The following FAM222B variants were observed in gnomAD, a reference collection of about 807,000 sequenced individuals.
The protein encoded by FAM222B is family with sequence similarity 222 member B, also known as protein FAM222B.
A neutral mutation model predicts 38.0 loss-of-function variants in FAM222B; 12 were observed. The observed-to-expected ratio is 0.32, with a 90% confidence interval of 0.20 to 0.51. The LOEUF is 0.51. Ranked by LOEUF, FAM222B falls within the 20% of genes least tolerant of loss-of-function variation. The pLI is 0.97. For missense variants in FAM222B, 716 were observed against 754.2 expected (o/e 0.95, Z 0.59); for synonymous variants, 329 against 317.2 (o/e 1.04, Z -0.40).
intron 2 of FAM222B, among the ~76,000 whole-genome samples, chr17:28,761,759 C>G (rs2035083432): frequency 6.6e-6 from 1 of 152,168 alleles, no homozygotes; most frequent in South Asian, 2.1e-4. Flanking sequence ...CAAAACAGGT[C>G]TGTGCTTTCA....
intron 1 of FAM222B, among the ~76,000 whole-genome samples, chr17:28,815,372 C>T (rs1014923850): frequency 2.0e-5 from 3 of 152,096 alleles, no homozygotes; most frequent in African/African-American, 7.2e-5. Context: ...TGCCACCAAG[C>T]CCAGCTAATT....
intron 1 of FAM222B, among the ~76,000 whole-genome samples, chr17:28,772,665 G>A (rs1770817876): frequency 6.6e-6 from 1 of 152,054 alleles, no homozygotes; most frequent in South Asian, 2.1e-4. Flanking sequence ...GGGAGGCCAA[G>A]GTGGGCAGAT....
At chr17:28,782,527 C>A (rs1300268604) in intron 1 of FAM222B, among the ~76,000 whole-genome samples, 2 of 152,130 alleles carry the variant, frequency 1.3e-5, no homozygotes, top group African/African-American at 4.8e-5. Context: ...ATAACATTAG[C>A]ATGAGCCTCC....
intron 1 of FAM222B, among the ~76,000 whole-genome samples, chr17:28,778,222 G>A (rs932695235): frequency 2.0e-5 from 3 of 151,756 alleles, no homozygotes; most frequent in Non-Finnish European, 2.9e-5. Flanking sequence ...ATATGCATTA[G>A]TATTTGTCCT....
chr17:28,820,950 C>CTTTT lies in FAM222B; in HGVS notation c.-41+21728_-41+21731dup, dbSNP rs1456864304. Among the ~76,000 whole-genome samples, 7 of 144,302 alleles carry CTTTT rather than the reference C, an allele frequency of 4.9e-5. 1 individual carries two copies. Among genetic ancestry groups the CTTTT allele is most frequent in the Non-Finnish European group, 4.6e-5 (3 of 65,440 alleles). 94.7% of individuals were successfully genotyped at this position (144,302 alleles called of 152,430 possible). A position where few individuals can be genotyped will look rare whatever the true frequency, so the allele number is the denominator to read the frequency against. On this transcript the variant is annotated intron_variant, in intron 1 of 2. Transcript: ENST00000581407. ...CCACTGCACCCAGTCTGGTAAAACT[C>CTTTT]TTTTTATTTTATTTTTTTTTTTTTG...
At chr17:28,814,157 G>A (rs1336331720) in intron 1 of FAM222B, among the ~76,000 whole-genome samples, 2 of 150,838 alleles carry the variant, frequency 1.3e-5, no homozygotes, top group African/African-American at 4.9e-5. Context: ...TCCAGCCTGA[G>A]TGAGAGTAAG....
At chr17:28,772,749 G>C (rs2044151767) in intron 1 of FAM222B, among the ~76,000 whole-genome samples, 1 of 151,772 alleles carries the variant, frequency 6.6e-6, no homozygotes. Flanking sequence ...AGAAAAATTA[G>C]CTGGGCATGG....
At chr17:28,817,763 G>C (rs974598469) in intron 1 of FAM222B, among the ~76,000 whole-genome samples, 1 of 152,120 alleles carries the variant, frequency 6.6e-6, no homozygotes, top group African/African-American at 2.4e-5. Context: ...AGAATGCAGA[G>C]TAGAGAATCA....
chr17:28,815,603 G>C (rs186920841), intron 1 of FAM222B, among the ~76,000 whole-genome samples: 2 of 152,094 alleles, frequency 1.3e-5, no homozygotes, highest in African/African-American at 4.8e-5. Flanking sequence ...AGGGTGGGTG[G>C]ATCACTTGAG....
At chr17:28,825,586 T>C (rs1015399055) in intron 1 of FAM222B, among the ~76,000 whole-genome samples, 1 of 152,122 alleles carries the variant, frequency 6.6e-6, no homozygotes. Flanking sequence ...TTTCTGTTCC[T>C]TCAACATACC....
intron 1 of FAM222B, among the ~76,000 whole-genome samples, chr17:28,778,007 CTTTTTTT>C (rs34833861): frequency 7.5e-5 from 8 of 106,634 alleles, no homozygotes; most frequent in African/African-American, 1.8e-4. Flanking sequence ...CCAGGCTGGA[CTTTTTTT>C]TTTTTTTTTT....
Position 28,766,704 on chromosome 17 carries a change from C to G in FAM222B, c.-37G>C. 6.6e-7 allele frequency: 1 copy of G among 1,522,642 alleles called. No homozygotes were observed. Among genetic ancestry groups the G allele is most frequent in the Non-Finnish European group, 9.0e-7 (1 of 1,112,022 alleles). 94.3% of individuals were successfully genotyped at this position (1,522,642 alleles called of 1,614,324 possible). ...ATCAACACAACATGGGGCAGTGGCT[C>G]ACACTGTAATGAACAAAAACAAGGT... On this transcript the variant is annotated 5_prime_UTR_variant, in exon 2 of 3. Transcript: ENST00000581407.
intron 1 of FAM222B, among the ~76,000 whole-genome samples, chr17:28,820,700 C>A (rs1332625572): frequency 1.3e-5 from 2 of 151,266 alleles, no homozygotes; most frequent in African/African-American, 4.9e-5. Flanking sequence ...GTGGCAAGAT[C>A]TCGGATAACT....
At chr17:28,825,167 T>C (rs2038392159) in intron 1 of FAM222B, among the ~76,000 whole-genome samples, 1 of 150,624 alleles carries the variant, frequency 6.6e-6, no homozygotes, top group Admixed American at 6.6e-5. Flanking sequence ...GTGCAGTGGC[T>C]CACGCCTGAA....
chr17:28,832,957 G>T (rs1303333674), intron 1 of FAM222B, among the ~76,000 whole-genome samples: 1 of 146,110 alleles, frequency 6.8e-6, no homozygotes, highest in East Asian at 2.0e-4. Context: ...GATCACTTGA[G>T]GCCAGGATTT....
chr17:28,854,119 A>AT (rs2039205887), intron 1 of FAM222B, among the ~76,000 whole-genome samples: 1 of 151,640 alleles, frequency 6.6e-6, no homozygotes, highest in African/African-American at 2.4e-5. Context: ...AATTTTTTGT[A>AT]TTTTTAGTAG....
chr17:28,843,830 C>G (rs1023220093), upstream of FAM222B, among the ~76,000 whole-genome samples: 1 of 152,058 alleles, frequency 6.6e-6, no homozygotes, highest in African/African-American at 2.4e-5. Context: ...TCCTAGAATA[C>G]GCTACTAGCT....
At chr17:28,783,177 A>C (rs762589143) in intron 1 of FAM222B, among the ~76,000 whole-genome samples, 1 of 151,776 alleles carries the variant, frequency 6.6e-6, no homozygotes, top group Non-Finnish European at 1.5e-5. Context: ...TAGACTGTCT[A>C]GTTTAGGATA....
At chr17:28,809,939 C>T (rs1468849661) in intron 1 of FAM222B, among the ~76,000 whole-genome samples, 1 of 152,100 alleles carries the variant, frequency 6.6e-6, no homozygotes, top group Non-Finnish European at 1.5e-5. Context: ...GAAGGGCAAA[C>T]TTGTTTTTTG....
Sources: allele counts gnomAD v4.1 joint callset (sites outside exome capture counted in the v4.1 genomes callset), GRCh38; gene constraint gnomAD v4.1.1; transcripts MANE v1.5; gene names NCBI Gene and HGNC (gene_info 2026-07-23, HGNC 2026-07-21).